Variants in PTPRS observed in about 807,000 individuals in gnomAD.
The protein encoded by PTPRS is receptor-type tyrosine-protein phosphatase S.
A neutral mutation model predicts 215.3 loss-of-function variants in PTPRS; 63 were observed. That is an observed-to-expected ratio of 0.29 (90% confidence interval 0.24 to 0.36). The LOEUF (loss-of-function observed/expected upper bound fraction) is 0.36, where lower values mean the gene tolerates loss of function less well. PTPRS is among the 10% of genes least tolerant of loss of function. The pLI is 1.00. For synonymous variants in PTPRS, 1,404 were observed against 1,191.4 expected, an observed-to-expected ratio of 1.18 and a Z score of -3.68; for missense variants, 2,258 against 2,825.8, an observed-to-expected ratio of 0.80 and a Z score of 4.56.
intron 1 of PTPRS, among the ~76,000 whole-genome samples, chr19:5,324,903 G>A (rs59081629): frequency 0.078 from 11,865 of 152,066 alleles, 520 homozygotes; most frequent in African/African-American, 0.11. Context: ...GGGGCAAGAA[G>A]AGCCACATCC....
chr19:5,250,662 G>A (rs2044932218), intron 9 of PTPRS, among the ~76,000 whole-genome samples: 1 of 148,322 alleles, frequency 6.7e-6, no homozygotes, highest in Non-Finnish European at 1.5e-5. Flanking sequence ...TGGGCGGTGG[G>A]GTGGGGGGGT....
At chr19:5,211,521 C>T (rs998439600) in intron 33 of PTPRS, 69 bp downstream of exon 33, 12 of 1,491,022 alleles carry the variant, frequency 8.0e-6, no homozygotes, top group East Asian at 4.6e-5. Flanking sequence ...TCCCACAAGA[C>T]TGGAGGCCTC....
At chr19:5,299,733 A>T (rs2049244917) in intron 1 of PTPRS, among the ~76,000 whole-genome samples, 1 of 151,990 alleles carries the variant, frequency 6.6e-6, no homozygotes, top group South Asian at 2.1e-4. Flanking sequence ...TTAGCCGGGC[A>T]TGGTGGTGCG....
intron 1 of PTPRS, among the ~76,000 whole-genome samples, chr19:5,336,336 C>T (rs1371199396): frequency 6.6e-6 from 1 of 151,752 alleles, no homozygotes; most frequent in Non-Finnish European, 1.5e-5. Context: ...CAGGTGTCAC[C>T]TGTTTCCTAG....
intron 1 of PTPRS, among the ~76,000 whole-genome samples, chr19:5,300,176 C>T (rs2049258032): frequency 6.7e-6 from 1 of 148,158 alleles, no homozygotes; most frequent in Non-Finnish European, 1.5e-5. Context: ...AGGAGGTGGA[C>T]ACTGCAGTGA....
chr19:5,317,532 G>A (rs556480978), intron 1 of PTPRS, among the ~76,000 whole-genome samples: 8 of 152,126 alleles, frequency 5.3e-5, no homozygotes, highest in South Asian at 2.1e-4. Flanking sequence ...GGCAATGGCC[G>A]CAAAATCACA....
At chr19:5,206,919 A>G (rs191583156) in intron 37 of PTPRS, 77 bp from the exon 38 acceptor site, 2 of 1,341,688 alleles carry the variant, frequency 1.5e-6, no homozygotes, top group African/African-American at 1.4e-5. Flanking sequence ...CCTCAGGAGC[A>G]GGCCAAGCTC....
chr19:5,273,285 G>C (rs555962597), intron 4 of PTPRS, 157 bp downstream of exon 4: 2 of 951,824 alleles, frequency 2.1e-6, no homozygotes, highest in East Asian at 4.9e-5. Context: ...GTAGGCGCTG[G>C]GCCCTGAGAC....
At chr19:5,307,887 C>G (rs2147132881) in intron 1 of PTPRS, among the ~76,000 whole-genome samples, 1 of 152,300 alleles carries the variant, frequency 6.6e-6, no homozygotes, top group South Asian at 2.1e-4. Flanking sequence ...GCCACGCCCA[C>G]CAGTTTACGT....
At chr19:5,220,897 A>G (rs925570267) in intron 20 of PTPRS, 103 bp downstream of exon 20, 9 of 1,380,740 alleles carry the variant, frequency 6.5e-6, no homozygotes, top group Non-Finnish European at 8.9e-6. Context: ...TCTGTGTTTC[A>G]TAGGCAAGGA....
At chr19:5,296,176 G>A (rs2049128549) in intron 1 of PTPRS, among the ~76,000 whole-genome samples, 1 of 152,156 alleles carries the variant, frequency 6.6e-6, no homozygotes, top group Non-Finnish European at 1.5e-5. Context: ...GCTCTAAAGA[G>A]GGTGACACAT....
At chr19:5,227,690 G>A (rs892260947) in intron 16 of PTPRS, among the ~76,000 whole-genome samples, 3 of 152,152 alleles carry the variant, frequency 2.0e-5, no homozygotes, top group Non-Finnish European at 2.9e-5. Context: ...GATTACAGGC[G>A]TGAGCCACCA....
In PTPRS at chr19:5,208,340, G is replaced by A. The variant is rs777398236; in HGVS notation, c.5539C>T (p.Gln1847Ter). 1 of 1,613,714 alleles carries A rather than the reference G, an allele frequency of 6.2e-7. No individual in the cohort carries two copies. The change falls in exon 36 of 38, where the codon CAG (glutamine) becomes TAG (stop). Residue 1847 changes from glutamine to a stop codon, truncating the protein, a stop_gained. Transcript: ENST00000262963. LOFTEE classifies it high-confidence loss of function. ...CCCTCCCCCGACTTTGGCACACCCTGTTCCGGCCAGTCTGTGAACTGGAAC... is the reference window on the plus strand; with the variant it reads ...CCCTCCCCCGACTTTGGCACACCCTATTCCGGCCAGTCTGTGAACTGGAAC... ...RQFQFTDWPE[Q>*]GVPKSGEGFI... is the part of the protein sequence containing the mutation.
intron 30 of PTPRS, among the ~76,000 whole-genome samples, chr19:5,213,246 A>G (rs2041094898): frequency 6.7e-6 from 1 of 149,616 alleles, no homozygotes; most frequent in Non-Finnish European, 1.5e-5. Flanking sequence ...TCCCTGCAGC[A>G]GCCAGAGGGC....
At chr19:5,308,178 C>G (rs1024547299) in intron 1 of PTPRS, among the ~76,000 whole-genome samples, 1 of 152,204 alleles carries the variant, frequency 6.6e-6, no homozygotes, top group Non-Finnish European at 1.5e-5. Context: ...CACAGAGATG[C>G]CGATTTCTTC....
chr19:5,209,385 C>T (rs1316500773), intron 35 of PTPRS, among the ~76,000 whole-genome samples: 1 of 152,206 alleles, frequency 6.6e-6, no homozygotes, highest in Non-Finnish European at 1.5e-5. Context: ...TGACATTCTC[C>T]ATTCCCCATC....
chr19:5,234,896 TCTA>T (rs1181657242), intron 13 of PTPRS, among the ~76,000 whole-genome samples: 1 of 152,086 alleles, frequency 6.6e-6, no homozygotes, highest in Non-Finnish European at 1.5e-5. Context: ...GTCAGGCAAC[TCTA>T]CTAAGGGCCT....
intron 7 of PTPRS, among the ~76,000 whole-genome samples, chr19:5,259,543 C>T (rs1901990600): frequency 6.6e-6 from 1 of 152,144 alleles, no homozygotes; most frequent in African/African-American, 2.4e-5. Context: ...GCAAAAGTTT[C>T]CACACGTATG....
At chr19:5,235,084 GC>G (rs2043330271) in intron 13 of PTPRS, among the ~76,000 whole-genome samples, 1 of 151,964 alleles carries the variant, frequency 6.6e-6, no homozygotes, top group Non-Finnish European at 1.5e-5. Context: ...GGGACTACAG[GC>G]GCCCGCCACC....
Sources: gnomAD v4.1 joint callset for allele counts (sites outside exome capture counted in the v4.1 genomes callset) on GRCh38, gnomAD v4.1.1 for gene constraint, MANE v1.5 for transcripts, NCBI Gene and HGNC (gene_info 2026-07-23, HGNC 2026-07-21) for gene names.